The following FHIT variants were observed in gnomAD, a reference collection of about 807,000 sequenced individuals.
FHIT encodes the protein fragile histidine triad diadenosine triphosphatase.
FHIT carries 19 observed loss-of-function variants against 17.9 expected under a neutral mutation model. The observed-to-expected ratio is 1.06, with a 90% CI of 0.74 to 1.56. The LOEUF (loss-of-function observed/expected upper bound fraction) is 1.56. Ranked by LOEUF, FHIT falls within the 40% of genes most tolerant of loss-of-function variation. FHIT has a pLI of 0.00. For missense variants in FHIT, 248 were observed against 189.2 expected (o/e 1.31, Z -1.82); for synonymous variants, 81 against 69.7 (o/e 1.16, Z -0.81).
intron 9 of FHIT, 37 bp downstream of exon 9, chr3:59,752,184 C>G: frequency 6.8e-7 from 1 of 1,465,396 alleles, no homozygotes; most frequent in Non-Finnish European, 9.5e-7. Context: ...CTGAGGCCCA[C>G]GGGAGGGTCT....
At chr3:60,195,348 G>A (rs74722453) in intron 5 of FHIT, among the ~76,000 whole-genome samples, 4,995 of 151,616 alleles carry the variant, frequency 0.033, 112 homozygotes, top group Middle Eastern at 0.11. Flanking sequence ...AAATAATATC[G>A]TGATTTCTCA....
chr3:60,200,133 G>A (rs762907639), intron 5 of FHIT, among the ~76,000 whole-genome samples: 1 of 152,078 alleles, frequency 6.6e-6, no homozygotes, highest in African/African-American at 2.4e-5. Flanking sequence ...ACTAGGGATG[G>A]GATTAGGAAC....
chr3:60,528,857 G>A (rs983833370), intron 5 of FHIT, among the ~76,000 whole-genome samples: 3 of 152,112 alleles, frequency 2.0e-5, no homozygotes, highest in African/African-American at 7.2e-5. Flanking sequence ...AAATTAATAG[G>A]CTGATGTCTG....
chr3:61,103,074 G>A (rs188834645), intron 2 of FHIT, among the ~76,000 whole-genome samples: 26 of 152,160 alleles, frequency 1.7e-4, no homozygotes, highest in Admixed American at 9.2e-4. Context: ...TCTGATCTTC[G>A]TTATTTCTTG....
At chr3:60,537,650 G>T (rs1273712232) in intron 4 of FHIT, among the ~76,000 whole-genome samples, 2 of 152,162 alleles carry the variant, frequency 1.3e-5, no homozygotes, top group African/African-American at 4.8e-5. Flanking sequence ...CCTTTTGAGG[G>T]AAAGCCATGG....
At chr3:60,324,837 T>C (rs145979808) in intron 5 of FHIT, among the ~76,000 whole-genome samples, 169 of 152,184 alleles carry the variant, frequency 1.1e-3, no homozygotes, top group Middle Eastern at 6.8e-3. Flanking sequence ...TGTACTGTTT[T>C]CTTTATTTGA....
At chr3:60,252,872 C>T (rs1249850088) in intron 5 of FHIT, among the ~76,000 whole-genome samples, 1 of 151,770 alleles carries the variant, frequency 6.6e-6, no homozygotes, top group African/African-American at 2.4e-5. Flanking sequence ...GTGGCGGGTG[C>T]CTGTAGTTCC....
intron 5 of FHIT, among the ~76,000 whole-genome samples, chr3:60,519,117 A>C (rs773560329): frequency 1.4e-4 from 22 of 152,266 alleles, no homozygotes; most frequent in Non-Finnish European, 2.6e-4. Context: ...TGTAAGAACA[A>C]AGAAAAAAGT....
At chr3:59,925,059 T>C (rs1035519812) in intron 7 of FHIT, among the ~76,000 whole-genome samples, 1 of 152,010 alleles carries the variant, frequency 6.6e-6, no homozygotes, top group Non-Finnish European at 1.5e-5. Flanking sequence ...TTTCTCTTTT[T>C]TCTTTTCCTT....
At chr3:60,354,619 G>A (rs1049911026) in intron 5 of FHIT, among the ~76,000 whole-genome samples, 2 of 113,490 alleles carry the variant, frequency 1.8e-5, no homozygotes, top group South Asian at 5.7e-4. Context: ...TTATTGAGAG[G>A]ATTAGCTCAC....
intron 5 of FHIT, among the ~76,000 whole-genome samples, chr3:60,518,117 T>C (rs1234278022): frequency 6.6e-6 from 1 of 152,214 alleles, no homozygotes; most frequent in Non-Finnish European, 1.5e-5. Context: ...AGATTTTGCA[T>C]AAAAGAACAG....
intron 7 of FHIT, among the ~76,000 whole-genome samples, chr3:59,963,848 T>C (rs777103799): frequency 8.5e-5 from 13 of 152,182 alleles, no homozygotes; most frequent in Non-Finnish European, 1.6e-4. Context: ...CATGGGGACA[T>C]AGGCAGCAAA....
chr3:61,220,072 A>G (rs1042885161), intron 1 of FHIT, among the ~76,000 whole-genome samples: 3 of 152,212 alleles, frequency 2.0e-5, no homozygotes, highest in Admixed American at 6.5e-5. Context: ...GTCTTTAACA[A>G]TTATTTACAT....
chr3:61,055,370 T>C (rs2034181019), intron 2 of FHIT, among the ~76,000 whole-genome samples: 1 of 152,132 alleles, frequency 6.6e-6, no homozygotes, highest in Non-Finnish European at 1.5e-5. Flanking sequence ...TAGGGTCTCG[T>C]CCATAATAGA....
At chr3:60,279,652 G>A (rs1341833645) in intron 5 of FHIT, among the ~76,000 whole-genome samples, 1 of 152,074 alleles carries the variant, frequency 6.6e-6, no homozygotes, top group African/African-American at 2.4e-5. Flanking sequence ...TCGTGAACAT[G>A]ATATAAAAAG....
intron 5 of FHIT, among the ~76,000 whole-genome samples, chr3:60,341,565 C>G (rs969508910): frequency 6.6e-6 from 1 of 151,898 alleles, no homozygotes; most frequent in African/African-American, 2.4e-5. Context: ...AGGTAACACA[C>G]CATTGGTTGC....
chr3:61,117,328 C>T (rs1054513897), intron 2 of FHIT, among the ~76,000 whole-genome samples: 1 of 152,094 alleles, frequency 6.6e-6, no homozygotes, highest in East Asian at 1.9e-4. Context: ...ATCAAATGTA[C>T]CACGGAATAG....
chr3:59,960,101 C>A (rs1461209119), intron 7 of FHIT, among the ~76,000 whole-genome samples: 2 of 152,026 alleles, frequency 1.3e-5, no homozygotes, highest in African/African-American at 4.8e-5. Flanking sequence ...GTGGAAACCA[C>A]TGAAAAATTT....
At chr3:61,211,632 T>C (rs1000950479) in intron 1 of FHIT, among the ~76,000 whole-genome samples, 1 of 152,208 alleles carries the variant, frequency 6.6e-6, no homozygotes, top group South Asian at 2.1e-4. Context: ...TGTCCCTGTC[T>C]GACAGCTTTG....
Sources: gnomAD v4.1 joint callset for allele counts (sites outside exome capture counted in the v4.1 genomes callset) on GRCh38, gnomAD v4.1.1 for gene constraint, MANE v1.5 for transcripts, NCBI Gene and HGNC (gene_info 2026-07-23, HGNC 2026-07-21) for gene names.